Variants in ALK observed in about 807,000 individuals in gnomAD.
ALK encodes ALK receptor tyrosine kinase.
A neutral mutation model predicts 163.1 loss-of-function variants in ALK; 74 were observed. That is an observed-to-expected ratio of 0.45 (90% CI 0.38 to 0.55). The LOEUF is 0.55. Among genes scored for constraint, ALK ranks in the 20% least tolerant of loss-of-function variants. The pLI is 0.00. For synonymous variants in ALK, 960 were observed against 843.2 expected, an observed-to-expected ratio of 1.14 and a Z score of -2.40; for missense variants, 2,063 against 2,105.3, an observed-to-expected ratio of 0.98 and a Z score of 0.39.
intron 4 of ALK, among the ~76,000 whole-genome samples, chr2:29,436,239 A>C (rs889709013): frequency 2.6e-5 from 4 of 152,140 alleles, no homozygotes; most frequent in Non-Finnish European, 5.9e-5. Context: ...AAATACTTCA[A>C]TTCCCCAGGA....
chr2:29,545,780 A>G (rs1258981209), intron 3 of ALK, among the ~76,000 whole-genome samples: 1 of 152,250 alleles, frequency 6.6e-6, no homozygotes, highest in African/African-American at 2.4e-5. Flanking sequence ...AGACTGAATC[A>G]TTAGAAAAAC....
chr2:29,334,726 C>T (rs947907614), intron 5 of ALK, among the ~76,000 whole-genome samples: 2 of 152,166 alleles, frequency 1.3e-5, no homozygotes, highest in East Asian at 1.9e-4. Flanking sequence ...TCTCCTTCCC[C>T]GAATGGAGAT....
chr2:29,778,343 CAAAT>C (rs921587294), intron 1 of ALK, among the ~76,000 whole-genome samples: 19 of 152,190 alleles, frequency 1.2e-4, no homozygotes, highest in African/African-American at 4.1e-4. Context: ...CACTCTCAAA[CAAAT>C]AAAGAATGCC....
chr2:29,771,158 C>T (rs941969241), intron 1 of ALK, among the ~76,000 whole-genome samples: 4 of 152,056 alleles, frequency 2.6e-5, no homozygotes, highest in African/African-American at 9.7e-5. Context: ...TAGATGCATA[C>T]ATACACAAAT....
In ALK at chr2:29,869,272, T is replaced by TA. The variant is rs551484790; in HGVS notation, c.667+50720dup. Reference sequence around the variant, plus strand: ...CCACATAAAATATAGAGCCCTACCTTAACTAAATAATAAAATTTACCTTGA... The same window carrying TA: ...CCACATAAAATATAGAGCCCTACCTTAAACTAAATAATAAAATTTACCTTGA... On this transcript the variant is annotated intron_variant, in intron 1 of 28. Transcript: ENST00000389048. 2.8e-3 allele frequency among the ~76,000 whole-genome samples: 424 copies of TA among 152,306 alleles called. 1 individual carries two copies. The highest frequency in any genetic ancestry group is 9.4e-3 in the African/African-American group (390 of 41,576).
intron 4 of ALK, among the ~76,000 whole-genome samples, chr2:29,506,724 T>C (rs1416664915): frequency 6.7e-6 from 1 of 148,560 alleles, no homozygotes; most frequent in Admixed American, 6.8e-5. Flanking sequence ...CCAGCCTGGG[T>C]GACGGAGCAA....
intron 1 of ALK, among the ~76,000 whole-genome samples, chr2:29,825,387 G>A (rs761806835): frequency 1.3e-5 from 2 of 152,156 alleles, no homozygotes; most frequent in Non-Finnish European, 2.9e-5. Context: ...GTATGGTTTG[G>A]TCCATGTCTT....
At position 29,222,968 on chromosome 2, in the gene ALK, A is replaced by G. The variant is rs562435393; in HGVS notation, c.3360-361T>C. 1.3e-4 allele frequency among the ~76,000 whole-genome samples: 20 copies of G among 152,226 alleles called. 2 individuals are homozygous for G. In the South Asian group the frequency reaches 3.3e-3, roughly 25 times the overall value. On this transcript the variant is annotated intron_variant, in intron 20 of 28. Coordinates refer to ENST00000389048, the MANE Select transcript of ALK (RefSeq NM_004304.5). ...TGGGGAGAGACAGATCACTGTGGGTACTGGCTGGGGAGTATTTCCAGTGAG... is the reference window on the plus strand; with the variant it reads ...TGGGGAGAGACAGATCACTGTGGGTGCTGGCTGGGGAGTATTTCCAGTGAG...
At chr2:29,528,955 C>T (rs1486598768) in intron 4 of ALK, among the ~76,000 whole-genome samples, 1 of 152,188 alleles carries the variant, frequency 6.6e-6, no homozygotes, top group Non-Finnish European at 1.5e-5. Context: ...CCCTGCGAGA[C>T]TCCAGCCAAA....
rs568232481 is a variant in ALK, at chr2:29,453,123, A to G, written c.1155-69264T>C. On this transcript the variant is annotated intron_variant, in intron 4 of 28. Coordinates refer to ENST00000389048, the MANE Select transcript of ALK (RefSeq NM_004304.5). The stretch of plus-strand genomic sequence containing the variant: ...TCAATGTTGATTTTCTGTTTTCAGT[A>G]ATTATGTTTTAGTTAGATAAGATGT... 2.0e-5 allele frequency among the ~76,000 whole-genome samples: 3 copies of G among 152,362 alleles called. No homozygotes were observed. In the East Asian group the frequency reaches 5.8e-4, roughly 29 times the overall value.
intron 1 of ALK, among the ~76,000 whole-genome samples, chr2:29,858,003 A>ATC (rs1666187611): frequency 6.6e-6 from 1 of 152,150 alleles, no homozygotes; most frequent in African/African-American, 2.4e-5. Context: ...ATACAATCCA[A>ATC]CAACCTTATT....
intron 3 of ALK, among the ~76,000 whole-genome samples, chr2:29,602,133 T>G (rs1359737124): frequency 2.0e-5 from 3 of 152,156 alleles, no homozygotes; most frequent in African/African-American, 7.2e-5. Flanking sequence ...TATATTTTTG[T>G]TTTTTTCTTG....
intron 3 of ALK, among the ~76,000 whole-genome samples, chr2:29,619,704 T>C (rs1675972304): frequency 6.6e-6 from 1 of 152,174 alleles, no homozygotes; most frequent in African/African-American, 2.4e-5. Context: ...ATCCAATGCC[T>C]CCTTGACAAA....
intron 4 of ALK, among the ~76,000 whole-genome samples, chr2:29,508,724 T>C (rs1269472609): frequency 6.9e-4 from 48 of 69,356 alleles, no homozygotes; most frequent in African/African-American, 2.7e-3. Flanking sequence ...AAATCCCATA[T>C]CTGCAACTCA....
chr2:29,540,596 A>ATTTTT (rs1558375202), intron 3 of ALK, among the ~76,000 whole-genome samples: 119 of 101,258 alleles, frequency 1.2e-3, no homozygotes, highest in East Asian at 8.2e-3. Flanking sequence ...TTTTTTTAAA[A>ATTTTT]AAAAAAAACC....
chr2:29,391,581 A>G (rs1031981860), intron 4 of ALK, among the ~76,000 whole-genome samples: 1 of 152,086 alleles, frequency 6.6e-6, no homozygotes, highest in Non-Finnish European at 1.5e-5. Flanking sequence ...CTTTGGGGTT[A>G]CAGCCATGAG....
intron 4 of ALK, among the ~76,000 whole-genome samples, chr2:29,418,916 T>G (rs1331698869): frequency 6.6e-6 from 1 of 151,640 alleles, no homozygotes; most frequent in Non-Finnish European, 1.5e-5. Flanking sequence ...AAAAATTATT[T>G]TTAAAGTGTG....
intron 3 of ALK, among the ~76,000 whole-genome samples, chr2:29,627,636 C>A (rs1343221190): frequency 1.3e-5 from 2 of 152,138 alleles, no homozygotes; most frequent in African/African-American, 4.8e-5. Context: ...TTGTTTGTTA[C>A]AACAGGAAGA....
chr2:29,426,032 C>T (rs1212491707), intron 4 of ALK, among the ~76,000 whole-genome samples: 1 of 152,184 alleles, frequency 6.6e-6, no homozygotes, highest in East Asian at 1.9e-4. Context: ...GACTGTGGCG[C>T]AACATTTACC....
Sources: allele counts gnomAD v4.1 joint callset (sites outside exome capture counted in the v4.1 genomes callset), GRCh38; gene constraint gnomAD v4.1.1; transcripts MANE v1.5; gene names NCBI Gene and HGNC (gene_info 2026-07-23, HGNC 2026-07-21).